The following LRRTM4 variants were observed in gnomAD, a reference collection of about 807,000 sequenced individuals.
LRRTM4 encodes the protein leucine rich repeat transmembrane neuronal 4.
LRRTM4 carries 25 observed loss-of-function variants against 47.6 expected under a neutral mutation model. The ratio of observed to expected loss-of-function variants is 0.53; its 90% CI spans 0.38 to 0.73. The LOEUF (loss-of-function observed/expected upper bound fraction) is 0.73. Among genes scored for constraint, LRRTM4 ranks in the 30% least tolerant of loss-of-function variants. The pLI is 0.00. For missense variants in LRRTM4, 638 were observed against 713.4 expected (o/e 0.89, Z 1.20); for synonymous variants, 311 against 269.5 (o/e 1.15, Z -1.51).
At chr2:77,016,697 G>C (rs1164844575) in intron 3 of LRRTM4, among the ~76,000 whole-genome samples, 1 of 152,100 alleles carries the variant, frequency 6.6e-6, no homozygotes, top group Non-Finnish European at 1.5e-5. Flanking sequence ...CCCCCACTCA[G>C]AAATGATAAA....
intron 3 of LRRTM4, among the ~76,000 whole-genome samples, chr2:77,262,489 GT>G (rs11300723): frequency 0.12 from 18,420 of 151,064 alleles, 3,763 homozygotes; most frequent in African/African-American, 0.42. Context: ...ATTTACATTT[GT>G]TTAGTTTTTA....
chr2:77,195,773 C>T (rs1370702337), intron 3 of LRRTM4, among the ~76,000 whole-genome samples: 2 of 151,850 alleles, frequency 1.3e-5, no homozygotes, highest in African/African-American at 4.8e-5. Flanking sequence ...GGAGTATGAC[C>T]ACATAATTAA....
intron 3 of LRRTM4, among the ~76,000 whole-genome samples, chr2:76,995,080 A>G (rs1446722): frequency 0.5 from 76,081 of 151,382 alleles, 19,782 homozygotes; most frequent in African/African-American, 0.63. Flanking sequence ...AATTTGACTC[A>G]GGAAACTGAA....
intron 3 of LRRTM4, among the ~76,000 whole-genome samples, chr2:77,032,942 CTAAG>C (rs1379215114): frequency 2.0e-5 from 3 of 152,014 alleles, no homozygotes; most frequent in Admixed American, 6.6e-5. Context: ...ACTAATTGTA[CTAAG>C]TAAGAGTGAT....
intron 3 of LRRTM4, among the ~76,000 whole-genome samples, chr2:76,796,913 G>T (rs187413779): frequency 6.6e-6 from 1 of 151,994 alleles, no homozygotes; most frequent in South Asian, 2.1e-4. Context: ...GAAGTTTAGA[G>T]AAAAAAGAAT....
At chr2:77,154,264 A>G (rs548861804) in intron 3 of LRRTM4, among the ~76,000 whole-genome samples, 29 of 152,310 alleles carry the variant, frequency 1.9e-4, no homozygotes, top group Non-Finnish European at 3.4e-4. Context: ...TTAGAGGCAA[A>G]CTATTCAGAG....
At chr2:76,834,344 C>G (rs1387626667) in intron 3 of LRRTM4, among the ~76,000 whole-genome samples, 2 of 151,928 alleles carry the variant, frequency 1.3e-5, no homozygotes, top group African/African-American at 4.8e-5. Context: ...AGCCACCATG[C>G]CCGGCCAGAG....
intron 3 of LRRTM4, among the ~76,000 whole-genome samples, chr2:76,793,174 G>C (rs967725116): frequency 1.3e-5 from 2 of 152,134 alleles, no homozygotes; most frequent in African/African-American, 4.8e-5. Flanking sequence ...GAGGTGAATA[G>C]TGTAACCTAT....
intron 3 of LRRTM4, among the ~76,000 whole-genome samples, chr2:77,312,568 C>T (rs983802403): frequency 1.3e-4 from 20 of 151,952 alleles, no homozygotes; most frequent in Non-Finnish European, 2.8e-4. Context: ...GTTTGTGAAA[C>T]CTATACTTCA....
At chr2:77,099,314 T>A (rs1423200402) in intron 3 of LRRTM4, among the ~76,000 whole-genome samples, 1 of 151,926 alleles carries the variant, frequency 6.6e-6, no homozygotes, top group Non-Finnish European at 1.5e-5. Flanking sequence ...CCTATAAATG[T>A]CAAAATAAAT....
intron 3 of LRRTM4, among the ~76,000 whole-genome samples, chr2:77,435,544 G>T (rs1460162875): frequency 6.6e-6 from 1 of 152,020 alleles, no homozygotes; most frequent in Non-Finnish European, 1.5e-5. Context: ...CCCAACATTT[G>T]TTTAAAGGTC....
chr2:77,123,008 C>T (rs1254648423), intron 3 of LRRTM4, among the ~76,000 whole-genome samples: 1 of 151,548 alleles, frequency 6.6e-6, no homozygotes, highest in African/African-American at 2.4e-5. Flanking sequence ...TGGCATGGCT[C>T]AATGTGTTAA....
chr2:77,347,930 C>T (rs1025192674), intron 3 of LRRTM4, among the ~76,000 whole-genome samples: 2 of 151,082 alleles, frequency 1.3e-5, no homozygotes, highest in East Asian at 3.9e-4. Context: ...ATGCTTGAAC[C>T]GTGTCATATT....
At chr2:77,161,283 G>A (rs1192116289) in intron 3 of LRRTM4, among the ~76,000 whole-genome samples, 3 of 152,086 alleles carry the variant, frequency 2.0e-5, no homozygotes, top group Admixed American at 6.6e-5. Context: ...GTGATCCAAC[G>A]GAACTGACTT....
intron 3 of LRRTM4, among the ~76,000 whole-genome samples, chr2:76,932,569 G>C (rs1461035075): frequency 3.3e-5 from 5 of 151,900 alleles, no homozygotes; most frequent in Non-Finnish European, 7.4e-5. Flanking sequence ...GGTCTCTTCT[G>C]TACTCTGAAC....
chr2:77,083,041 T>C (rs1304350993), intron 3 of LRRTM4, among the ~76,000 whole-genome samples: 2 of 152,186 alleles, frequency 1.3e-5, no homozygotes, highest in Non-Finnish European at 2.9e-5. Context: ...TATATCAGTA[T>C]ACACTTCTGA....
intron 3 of LRRTM4, chr2:77,517,644 G>A: frequency 1.0e-6 from 1 of 977,428 alleles, no homozygotes; most frequent in South Asian, 4.7e-5. Flanking sequence ...AAAAAAGAAG[G>A]AAGAGAAAGG....
chr2:77,154,062 T>G (rs946317293), intron 3 of LRRTM4, among the ~76,000 whole-genome samples: 1 of 152,202 alleles, frequency 6.6e-6, no homozygotes, highest in African/African-American at 2.4e-5. Context: ...CTAATCAATG[T>G]CCATCAATAC....
At chr2:76,799,981 T>C (rs551613132) in intron 3 of LRRTM4, among the ~76,000 whole-genome samples, 4,530 of 151,800 alleles carry the variant, frequency 0.03, 221 homozygotes, top group African/African-American at 0.09. Context: ...GAACATTCCA[T>C]GCTCGTGGGT....
Sources: allele counts gnomAD v4.1 joint callset (sites outside exome capture counted in the v4.1 genomes callset), GRCh38; gene constraint gnomAD v4.1.1; transcripts MANE v1.5; gene names NCBI Gene and HGNC (gene_info 2026-07-23, HGNC 2026-07-21).